OR51B5: variants seen among roughly 807,000 people sequenced by gnomAD.
OR51B5 encodes the protein olfactory receptor 51B5.
For synonymous variants in OR51B5, 186 were observed against 144.8 expected (o/e 1.28, Z -2.04); for missense variants, 456 against 374.6 (o/e 1.22, Z -1.79).
At chr11:5,474,670 T>C (rs1005032881) in intron 1 of OR51B5, among the ~76,000 whole-genome samples, 1 of 152,186 alleles carries the variant, frequency 6.6e-6, no homozygotes, top group Non-Finnish European at 1.5e-5. Context: ...TTTGTGCCAA[T>C]GCAATAATTC....
At chr11:5,418,213 C>T (rs1046182525) in intron 1 of OR51B5, among the ~76,000 whole-genome samples, 1 of 151,912 alleles carries the variant, frequency 6.6e-6, no homozygotes, top group African/African-American at 2.4e-5. Flanking sequence ...AATGAGAACA[C>T]ATGGACACAG....
intron 1 of OR51B5, among the ~76,000 whole-genome samples, chr11:5,460,199 T>C (rs1851027053): frequency 6.6e-6 from 1 of 152,188 alleles, no homozygotes. Flanking sequence ...TGAAAACACA[T>C]GGACACAGAG....
At chr11:5,351,716 G>T in intron 1 of OR51B5, 1 of 1,613,992 alleles carries the variant, frequency 6.2e-7, no homozygotes. Flanking sequence ...ACAGACCTCG[G>T]AGTGACATTG....
intron 1 of OR51B5, among the ~76,000 whole-genome samples, chr11:5,417,400 T>G (rs1340061168): frequency 2.0e-5 from 3 of 152,028 alleles, no homozygotes; most frequent in African/African-American, 7.2e-5. Context: ...CCAAAAGCAA[T>G]GGCAATAAAA....
chr11:5,367,716 C>T (rs1336300841), intron 1 of OR51B5, among the ~76,000 whole-genome samples: 1 of 152,302 alleles, frequency 6.6e-6, no homozygotes, highest in African/African-American at 2.4e-5. Context: ...AGGTCTCAGC[C>T]TTATTGTACC....
chr11:5,453,617 A>G (rs1383339492), intron 1 of OR51B5: 1 of 1,613,744 alleles, frequency 6.2e-7, no homozygotes, highest in Admixed American at 1.7e-5. Flanking sequence ...GGGGAAATAC[A>G]GTGATCCTGC....
At chr11:5,365,197 G>A (rs1373793647) in intron 1 of OR51B5, among the ~76,000 whole-genome samples, 1 of 152,182 alleles carries the variant, frequency 6.6e-6, no homozygotes, top group Non-Finnish European at 1.5e-5. Context: ...GCTGGCAACT[G>A]TGTTTAAAAT....
chr11:5,460,698 C>T (rs1009517271), intron 1 of OR51B5, among the ~76,000 whole-genome samples: 13 of 152,224 alleles, frequency 8.5e-5, no homozygotes, highest in African/African-American at 1.4e-4. Flanking sequence ...TCTTTCTCTG[C>T]GTTGGCTGAT....
At chr11:5,430,625 A>G (rs1850519191) in intron 1 of OR51B5, 1 of 426,764 alleles carries the variant, frequency 2.3e-6, no homozygotes, top group Non-Finnish European at 4.8e-6. Context: ...TATGAATTTA[A>G]TGACAGTTCC....
chr11:5,440,481 GTCC>G (rs1172972308), intron 1 of OR51B5: 3 of 814,894 alleles, frequency 3.7e-6, no homozygotes, highest in Non-Finnish European at 6.0e-6. Context: ...AAGATCCTGG[GTCC>G]TCTTCATCCT....
chr11:5,466,969 T>G (rs1851147126), intron 1 of OR51B5, among the ~76,000 whole-genome samples: 1 of 152,186 alleles, frequency 6.6e-6, no homozygotes, highest in Non-Finnish European at 1.5e-5. Flanking sequence ...TCTTTCTCTC[T>G]TATGCAAGTG....
At chr11:5,413,529 C>T (rs1480283368) in intron 1 of OR51B5, among the ~76,000 whole-genome samples, 3 of 151,408 alleles carry the variant, frequency 2.0e-5, no homozygotes, top group Non-Finnish European at 4.4e-5. Flanking sequence ...AAGTTAAAAA[C>T]TTTGAAAAAA....
At chr11:5,443,367 C>G (rs1035118375) in intron 1 of OR51B5, among the ~76,000 whole-genome samples, 1 of 152,042 alleles carries the variant, frequency 6.6e-6, no homozygotes, top group African/African-American at 2.4e-5. Flanking sequence ...TCTCTCTCCT[C>G]CCAATGAAAA....
chr11:5,441,449 T>C (rs746197593), intron 1 of OR51B5: 7 of 1,613,812 alleles, frequency 4.3e-6, no homozygotes, highest in Non-Finnish European at 5.9e-6. Context: ...GGCCTGTTTG[T>C]ATCCCAGGAA....
chr11:5,440,725 G>T (rs142432134), intron 1 of OR51B5: 1 of 1,613,966 alleles, frequency 6.2e-7, no homozygotes, highest in Admixed American at 1.7e-5. Context: ...CAGAAGCGGT[G>T]AATCATGGAG....
intron 1 of OR51B5, among the ~76,000 whole-genome samples, chr11:5,432,056 T>C (rs1051208788): frequency 6.6e-6 from 1 of 152,210 alleles, no homozygotes. Context: ...TTTAGCTACT[T>C]TGAAAAATAT....
intron 1 of OR51B5, among the ~76,000 whole-genome samples, chr11:5,377,844 T>TGGGTAGGAAGAACATTCCATGCTC (rs1849551387): frequency 6.6e-6 from 1 of 151,806 alleles, no homozygotes; most frequent in African/African-American, 2.4e-5. Context: ...ATTCCATGCT[T>TGGGTAGGAAGAACATTCCATGCTC]ATGGGTAGGA....
intron 1 of OR51B5, among the ~76,000 whole-genome samples, chr11:5,429,078 G>A: frequency 6.6e-6 from 1 of 152,088 alleles, no homozygotes; most frequent in East Asian, 1.9e-4. Flanking sequence ...TGACTCAGCT[G>A]GTCCTCTGCA....
intron 1 of OR51B5, among the ~76,000 whole-genome samples, chr11:5,376,263 A>T (rs1849526329): frequency 6.6e-6 from 1 of 152,174 alleles, no homozygotes; most frequent in African/African-American, 2.4e-5. Context: ...TTTGAAACCA[A>T]TGAGAACAAA....
Sources: allele counts gnomAD v4.1 joint callset (sites outside exome capture counted in the v4.1 genomes callset), GRCh38; gene constraint gnomAD v4.1.1; transcripts MANE v1.5; gene names NCBI Gene and HGNC (gene_info 2026-07-23, HGNC 2026-07-21).